The following PHF21A variants were observed in gnomAD, a reference collection of about 807,000 sequenced individuals.
PHF21A encodes the protein BHC80a.
PHF21A carries 11 observed loss-of-function variants against 82.5 expected under a neutral mutation model. That is an observed-to-expected ratio of 0.13 (90% confidence interval 0.08 to 0.22). PHF21A has a LOEUF of 0.22. PHF21A is among the 10% of genes least tolerant of loss of function. The pLI is 1.00. For missense variants in PHF21A, 579 were observed against 837.8 expected (o/e 0.69, Z 3.81); for synonymous variants, 297 against 302.8 (o/e 0.98, Z 0.20).
At chr11:46,089,279 T>C (rs1398831601) in intron 3 of PHF21A, among the ~76,000 whole-genome samples, 3 of 152,212 alleles carry the variant, frequency 2.0e-5, no homozygotes, top group Non-Finnish European at 4.4e-5. Context: ...AAATACTTCC[T>C]ACTATGTATC....
intron 6 of PHF21A, among the ~76,000 whole-genome samples, chr11:46,019,828 T>A (rs1310310553): frequency 6.6e-6 from 1 of 152,160 alleles, no homozygotes; most frequent in Non-Finnish European, 1.5e-5. Flanking sequence ...AAATATTACA[T>A]CTGTGAGTTA....
At chr11:45,962,057 G>A (rs1208024441) in intron 10 of PHF21A, among the ~76,000 whole-genome samples, 1 of 152,198 alleles carries the variant, frequency 6.6e-6, no homozygotes, top group African/African-American at 2.4e-5. Flanking sequence ...CTATGCCAAT[G>A]TGGGAGGCCA....
At chr11:46,030,266 G>C (rs932207492) in intron 6 of PHF21A, among the ~76,000 whole-genome samples, 1 of 152,176 alleles carries the variant, frequency 6.6e-6, no homozygotes, top group African/African-American at 2.4e-5. Flanking sequence ...TTCTTTAAAA[G>C]GGTGTCAAGA....
intron 8 of PHF21A, chr11:45,970,465 T>C (rs374562531): frequency 6.6e-6 from 1 of 152,530 alleles, no homozygotes; most frequent in East Asian, 1.9e-4. Context: ...TTTAAGGGAA[T>C]TTTACATCAA....
At chr11:46,025,304 C>A (rs2095717562) in intron 6 of PHF21A, among the ~76,000 whole-genome samples, 1 of 152,142 alleles carries the variant, frequency 6.6e-6, no homozygotes, top group African/African-American at 2.4e-5. Flanking sequence ...TTTTCTCAAA[C>A]TTACTATGTC....
In PHF21A at chr11:45,965,461, G is replaced by A; in HGVS notation, c.850C>T (p.Pro284Ser). The A allele has an allele frequency of 6.2e-7, 1 of 1,614,058 alleles. No individual in the cohort carries two copies. Among genetic ancestry groups the A allele is most frequent in the Non-Finnish European group, 8.5e-7 (1 of 1,180,008 alleles). The change falls in exon 10 of 19, where the codon CCC (proline) becomes TCC (serine). Residue 284 changes from proline to serine, a missense_variant. Physicochemically the swap from Pro to Ser is moderately conservative, Grantham distance 74. This residue lies in a region of PHF21A where 410 missense variants were observed against 642.1 expected (regional missense o/e 0.64). Transcript: ENST00000676320. Reference sequence around the variant, plus strand: ...GTCTGCCCATTGACGACACGGACGGGGTGGATGGAATTCTGGGATGTGGGA... The same window carrying A: ...GTCTGCCCATTGACGACACGGACGGAGTGGATGGAATTCTGGGATGTGGGA... ...TLPTSQNSIH[P>S]VRVVNGQTAT...
chr11:45,996,960 T>G (rs961463808), intron 6 of PHF21A, among the ~76,000 whole-genome samples: 2 of 152,234 alleles, frequency 1.3e-5, no homozygotes, highest in Non-Finnish European at 2.9e-5. Flanking sequence ...ACAGTGAATG[T>G]GATAATCACA....
chr11:45,997,699 T>C (rs757366978), intron 6 of PHF21A, among the ~76,000 whole-genome samples: 2 of 152,224 alleles, frequency 1.3e-5, no homozygotes, highest in Admixed American at 6.5e-5. Flanking sequence ...AAAGCCAATC[T>C]ACCTGTTCAG....
At chr11:46,050,447 C>T (rs1259815324) in intron 6 of PHF21A, among the ~76,000 whole-genome samples, 3 of 152,100 alleles carry the variant, frequency 2.0e-5, no homozygotes, top group Non-Finnish European at 4.4e-5. Context: ...GAGGCCCATG[C>T]AGGGAGGCAA....
intron 6 of PHF21A, among the ~76,000 whole-genome samples, chr11:45,983,814 G>C (rs2094394235): frequency 6.6e-6 from 1 of 152,170 alleles, no homozygotes; most frequent in Non-Finnish European, 1.5e-5. Flanking sequence ...GTGGCAGCAA[G>C]AGAATACGGC....
At chr11:46,010,705 G>A (rs1316089294) in intron 6 of PHF21A, among the ~76,000 whole-genome samples, 1 of 152,194 alleles carries the variant, frequency 6.6e-6, no homozygotes, top group African/African-American at 2.4e-5. Flanking sequence ...TTGACCCACA[G>A]AAGTTAGAGA....
At chr11:46,065,827 C>A (rs756619564) in intron 6 of PHF21A, among the ~76,000 whole-genome samples, 4 of 152,094 alleles carry the variant, frequency 2.6e-5, no homozygotes, top group Non-Finnish European at 5.9e-5. Flanking sequence ...GGCTCACAAT[C>A]TAGAGAGGAA....
At position 45,930,941 on chromosome 11, in the gene PHF21A, T is replaced by G. The variant is rs2087608429; in HGVS notation, c.*3027A>C. The G allele has an allele frequency of 7.8e-6, 1 of 128,074 alleles. No individual in the cohort carries two copies. Among genetic ancestry groups the G allele is most frequent in the Non-Finnish European group, 1.6e-5 (1 of 61,804 alleles). The allele number at this position is 128,074 out of a possible 1,614,324, so 7.9% of individuals were successfully genotyped here. On this transcript the variant is annotated 3_prime_UTR_variant, in exon 19 of 19. Coordinates refer to ENST00000676320, the MANE Select transcript of PHF21A (RefSeq NM_001352027.3). The stretch of plus-strand genomic sequence containing the variant: ...TCCCCGCCCAGGTCTGAGGGGACAG[T>G]GAAGGACAGGGAGATTGGGTGCCAG...
intron 6 of PHF21A, among the ~76,000 whole-genome samples, chr11:46,020,073 A>C (rs2095599912): frequency 6.6e-6 from 1 of 151,918 alleles, no homozygotes; most frequent in Admixed American, 6.6e-5. Context: ...CAGGTTTCTC[A>C]CCACTCCATT....
At chr11:46,045,818 G>A (rs1419805272) in intron 6 of PHF21A, among the ~76,000 whole-genome samples, 1 of 152,096 alleles carries the variant, frequency 6.6e-6, no homozygotes, top group African/African-American at 2.4e-5. Flanking sequence ...TGAGACCACA[G>A]CAGGCAGGTG....
chr11:46,076,706 C>A (rs751189182), intron 6 of PHF21A, 48 bp downstream of exon 6: 1 of 1,473,608 alleles, frequency 6.8e-7, no homozygotes, highest in Non-Finnish European at 9.5e-7. Context: ...GCAGACATAT[C>A]TTTAGAACAC....
chr11:46,025,593 T>C (rs1355699629), intron 6 of PHF21A, among the ~76,000 whole-genome samples: 1 of 152,214 alleles, frequency 6.6e-6, no homozygotes, highest in Non-Finnish European at 1.5e-5. Flanking sequence ...ATTATGCTCT[T>C]ATAATCTCAT....
At chr11:46,103,160 T>C (rs1406303306) in intron 1 of PHF21A, among the ~76,000 whole-genome samples, 1 of 152,176 alleles carries the variant, frequency 6.6e-6, no homozygotes, top group Non-Finnish European at 1.5e-5. Context: ...ATTTTCAAAA[T>C]TGTATAATTC....
chr11:45,995,199 T>G (rs2094861887), intron 6 of PHF21A, among the ~76,000 whole-genome samples: 1 of 152,216 alleles, frequency 6.6e-6, no homozygotes, highest in African/African-American at 2.4e-5. Flanking sequence ...TGTTGTCTGA[T>G]GGGATACAGT....
Sources: allele counts gnomAD v4.1 joint callset (sites outside exome capture counted in the v4.1 genomes callset), GRCh38; gene constraint gnomAD v4.1.1; regional missense constraint gnomAD v4.1.1; transcripts MANE v1.5; gene names NCBI Gene and HGNC (gene_info 2026-07-23, HGNC 2026-07-21).